Variants in CDH13 observed in about 807,000 individuals in gnomAD.
CDH13 encodes cadherin-13.
A neutral mutation model predicts 63.8 loss-of-function variants in CDH13; 24 were observed. That is an observed-to-expected ratio of 0.38 (90% CI 0.27 to 0.53). The LOEUF is 0.53. CDH13 is among the 20% of genes least tolerant of loss of function. The pLI is 0.85. For synonymous variants in CDH13, 503 were observed against 355.3 expected (o/e 1.42, Z -4.67); for missense variants, 1,049 against 903.1 (o/e 1.16, Z -2.07).
At chr16:83,217,686 C>A (rs529239151) in intron 5 of CDH13, among the ~76,000 whole-genome samples, 189 bp downstream of exon 5, 7 of 152,242 alleles carry the variant, frequency 4.6e-5, no homozygotes, top group Non-Finnish European at 1.0e-4. Context: ...GTCTTTATCT[C>A]ATCAGTAGAG....
At chr16:82,734,283 T>C (rs1567478816) in intron 1 of CDH13, among the ~76,000 whole-genome samples, 1 of 152,196 alleles carries the variant, frequency 6.6e-6, no homozygotes, top group Non-Finnish European at 1.5e-5. Flanking sequence ...TGCAATCCTG[T>C]GGCCCAGAAA....
At chr16:83,766,793 G>A (rs1914419534) in intron 11 of CDH13, among the ~76,000 whole-genome samples, 1 of 152,052 alleles carries the variant, frequency 6.6e-6, no homozygotes, top group Non-Finnish European at 1.5e-5. Context: ...AGGACCAGGT[G>A]GAGGTAACTG....
chr16:83,206,508 C>T lies in CDH13; in HGVS notation c.484-10837C>T, dbSNP rs575759642. Among the ~76,000 whole-genome samples the T allele has an allele frequency of 7.9e-5, 12 of 152,366 alleles. No individual in the cohort carries two copies. In the East Asian group the frequency reaches 2.1e-3, roughly 27 times the overall value. The stretch of plus-strand genomic sequence containing the variant: ...CCAAGATCAGCATGCCAGGCATTCT[C>T]ACATGCACCCGACAGTTTTGTCCTT... On this transcript the variant is annotated intron_variant, in intron 4 of 13. Transcript: ENST00000567109.
intron 6 of CDH13, among the ~76,000 whole-genome samples, chr16:83,384,090 A>G (rs769526181): frequency 2.6e-5 from 4 of 152,190 alleles, no homozygotes; most frequent in Non-Finnish European, 5.9e-5. Flanking sequence ...TGCATTGTTC[A>G]TACATTAAAT....
intron 2 of CDH13, among the ~76,000 whole-genome samples, chr16:82,970,817 TA>T (rs1352825340): frequency 3.3e-5 from 5 of 152,214 alleles, no homozygotes; most frequent in Non-Finnish European, 7.3e-5. Context: ...GTATTAACTA[TA>T]ATGACTATAA....
At chr16:83,538,428 T>C (rs1212411574) in intron 7 of CDH13, among the ~76,000 whole-genome samples, 1 of 152,198 alleles carries the variant, frequency 6.6e-6, no homozygotes, top group Non-Finnish European at 1.5e-5. Flanking sequence ...GTTGATCTAG[T>C]GGAGGCGGAA....
chr16:82,865,327 G>A (rs1567612828), intron 2 of CDH13, among the ~76,000 whole-genome samples: 1 of 152,216 alleles, frequency 6.6e-6, no homozygotes. Flanking sequence ...CTTCTGCACT[G>A]CCTTAGCAGA....
chr16:83,215,737 G>A (rs577040090), intron 4 of CDH13, among the ~76,000 whole-genome samples: 1 of 152,264 alleles, frequency 6.6e-6, no homozygotes, highest in South Asian at 2.1e-4. Flanking sequence ...GCGCTGTTGA[G>A]TATGTGTCAA....
intron 7 of CDH13, among the ~76,000 whole-genome samples, chr16:83,555,008 A>T (rs949578740): frequency 6.6e-6 from 1 of 151,372 alleles, no homozygotes; most frequent in Admixed American, 6.6e-5. Flanking sequence ...ACACAGACAG[A>T]ACCCTGCGGG....
chr16:83,236,237 GCACA>G (rs3049880), intron 5 of CDH13, among the ~76,000 whole-genome samples: 17 of 149,004 alleles, frequency 1.1e-4, no homozygotes, highest in South Asian at 8.6e-4. Context: ...ACACGCACAT[GCACA>G]CACACACACA....
At chr16:83,363,217 T>C (rs574273807) in intron 6 of CDH13, among the ~76,000 whole-genome samples, 1 of 152,350 alleles carries the variant, frequency 6.6e-6, no homozygotes, top group South Asian at 2.1e-4. Context: ...CTCGTATTTC[T>C]AGAAGCTGGG....
At chr16:82,697,824 T>C (rs577531571) in intron 1 of CDH13, among the ~76,000 whole-genome samples, 23 of 151,828 alleles carry the variant, frequency 1.5e-4, no homozygotes, top group African/African-American at 5.6e-4. Context: ...AGCCAAATGG[T>C]TTTGAATATA....
intron 1 of CDH13, among the ~76,000 whole-genome samples, chr16:82,723,818 T>C (rs554027497): frequency 2.0e-5 from 3 of 152,342 alleles, no homozygotes; most frequent in Non-Finnish European, 4.4e-5. Flanking sequence ...TAAGAAATTG[T>C]GCCATGTGCT....
intron 10 of CDH13, among the ~76,000 whole-genome samples, chr16:83,694,209 C>G (rs927900845): frequency 6.6e-6 from 1 of 152,222 alleles, no homozygotes; most frequent in South Asian, 2.1e-4. Context: ...ACAAAGAGAA[C>G]AGCTGAGTTC....
intron 7 of CDH13, among the ~76,000 whole-genome samples, chr16:83,560,167 G>A (rs566208160): frequency 5.7e-4 from 87 of 152,312 alleles, no homozygotes; most frequent in East Asian, 1.9e-3. Context: ...AGGCAAGAAC[G>A]AGATAGGAGA....
intron 3 of CDH13, among the ~76,000 whole-genome samples, chr16:83,077,167 CTTTTCTTTT>C (rs1567807159): frequency 9.9e-6 from 1 of 101,002 alleles, no homozygotes; most frequent in Non-Finnish European, 2.1e-5. Context: ...TCTTTCTTTT[CTTTTCTTTT>C]TTTTCTTTTC....
intron 5 of CDH13, among the ~76,000 whole-genome samples, chr16:83,297,552 T>TTC (rs1416390732): frequency 6.6e-6 from 1 of 152,140 alleles, no homozygotes; most frequent in Non-Finnish European, 1.5e-5. Flanking sequence ...ACTGAACACT[T>TTC]TTTGAATGCC....
chr16:83,170,409 C>A (rs1452450619), intron 4 of CDH13, among the ~76,000 whole-genome samples: 10 of 152,050 alleles, frequency 6.6e-5, no homozygotes, highest in Admixed American at 6.6e-4. Context: ...ACACAGGGTT[C>A]CCAAACTGGA....
chr16:83,771,357 G>A (rs1177224822), intron 11 of CDH13, among the ~76,000 whole-genome samples: 1 of 152,136 alleles, frequency 6.6e-6, no homozygotes, highest in Admixed American at 6.5e-5. Context: ...AGAAATACAA[G>A]GTTAATTATT....
Sources: allele counts gnomAD v4.1 joint callset (sites outside exome capture counted in the v4.1 genomes callset), GRCh38; gene constraint gnomAD v4.1.1; transcripts MANE v1.5; gene names NCBI Gene and HGNC (gene_info 2026-07-23, HGNC 2026-07-21).